Variants in TP63 observed in about 807,000 individuals in gnomAD.
TP63 encodes tumor protein 63.
A neutral mutation model predicts 82.8 loss-of-function variants in TP63; 17 were observed. The ratio of observed to expected loss-of-function variants is 0.21; its 90% confidence interval spans 0.14 to 0.31. The LOEUF (loss-of-function observed/expected upper bound fraction) is 0.31. Among genes scored for constraint, TP63 ranks in the 10% least tolerant of loss-of-function variants. TP63 has a pLI of 1.00. For synonymous variants in TP63, 330 were observed against 321.7 expected (o/e 1.03, Z -0.28); for missense variants, 648 against 895.3 (o/e 0.72, Z 3.52).
Position 189,808,363 on chromosome 3 carries a change from C to T in TP63, c.416C>T (p.Ala139Val), listed in dbSNP as rs751300168. Residue 139 changes from alanine (A) to valine (V), a missense_variant, in exon 4 of 14, where the codon GCG becomes GTG. Ala to Val is a moderately conservative substitution (Grantham distance 64). Coordinates refer to ENST00000264731, the MANE Select transcript of TP63 (RefSeq NM_003722.5). The part of the protein sequence containing the change: ...SSTSPYNTDH[A>V]QNSVTAPSPY... Reference sequence around the variant, plus strand: ...ACCAGTCCCTATAACACAGACCACGCGCAGAACAGCGTCACGGCGCCCTCG... The same window carrying T: ...ACCAGTCCCTATAACACAGACCACGTGCAGAACAGCGTCACGGCGCCCTCG... 5.0e-6 allele frequency: 8 copies of T among 1,614,080 alleles called. No individual in the cohort carries two copies. The highest frequency in any genetic ancestry group is 6.8e-6 in the Non-Finnish European group (8 of 1,180,056).
chr3:189,758,034 A>G (rs1480340480), intron 3 of TP63, among the ~76,000 whole-genome samples: 1 of 152,178 alleles, frequency 6.6e-6, no homozygotes, highest in Non-Finnish European at 1.5e-5. Flanking sequence ...CACCTCAAGC[A>G]GGGGTCCTCA....
chr3:189,709,949 A>G (rs981458384), intron 1 of TP63, among the ~76,000 whole-genome samples: 64 of 152,210 alleles, frequency 4.2e-4, no homozygotes, highest in African/African-American at 1.5e-3. Flanking sequence ...AAATGAATAA[A>G]CATATTTATC....
chr3:189,688,254 G>A (rs1261229169), intron 1 of TP63, among the ~76,000 whole-genome samples: 1 of 152,144 alleles, frequency 6.6e-6, no homozygotes, highest in African/African-American at 2.4e-5. Flanking sequence ...TGAATAACTC[G>A]AGATGTCCAG....
intron 10 of TP63, among the ~76,000 whole-genome samples, chr3:189,875,951 A>G (rs1284981331): frequency 1.3e-5 from 2 of 152,000 alleles, no homozygotes; most frequent in African/African-American, 2.4e-5. Flanking sequence ...AGGCTGGAAT[A>G]GTTGACTTGA....
chr3:189,629,073 C>A (rs542483613), upstream of TP63, among the ~76,000 whole-genome samples: 1 of 152,018 alleles, frequency 6.6e-6, no homozygotes, highest in Non-Finnish European at 1.5e-5. Flanking sequence ...AGGCTATAAA[C>A]CTTTTAAATT....
intron 3 of TP63, among the ~76,000 whole-genome samples, chr3:189,772,558 T>C (rs1296461962): frequency 6.6e-6 from 1 of 152,222 alleles, no homozygotes; most frequent in African/African-American, 2.4e-5. Context: ...GCAGCTCATA[T>C]CTACTTGGAG....
At chr3:189,845,345 A>G (rs1714725020) in intron 4 of TP63, among the ~76,000 whole-genome samples, 1 of 152,172 alleles carries the variant, frequency 6.6e-6, no homozygotes, top group Non-Finnish European at 1.5e-5. Flanking sequence ...TTCTTGGTAA[A>G]CTGCGACCTT....
intron 4 of TP63, among the ~76,000 whole-genome samples, chr3:189,830,819 T>A (rs1436454354): frequency 6.6e-6 from 1 of 152,206 alleles, no homozygotes; most frequent in African/African-American, 2.4e-5. Context: ...GAAGGGAGCA[T>A]ATAGACACTT....
chr3:189,881,791 A>G (rs557623236), intron 10 of TP63, among the ~76,000 whole-genome samples: 13 of 152,332 alleles, frequency 8.5e-5, no homozygotes, highest in African/African-American at 2.6e-4. Context: ...CCATAGAATC[A>G]TTTATTGACA....
At chr3:189,703,458 A>AGATAGATAGATAGATAGATG in intron 1 of TP63, among the ~76,000 whole-genome samples, 1 of 152,214 alleles carries the variant, frequency 6.6e-6, no homozygotes, top group African/African-American at 2.4e-5. Flanking sequence ...ATAGATAGAT[A>AGATAGATAGATAGATAGATG]GATAGATACT....
the TP63 span, among the ~76,000 whole-genome samples, chr3:189,601,457 G>A: frequency 6.6e-6 from 1 of 152,014 alleles, no homozygotes; most frequent in Non-Finnish European, 1.5e-5. Flanking sequence ...GAACCTCCCT[G>A]GAACCCTAAA....
intron 3 of TP63, among the ~76,000 whole-genome samples, chr3:189,773,274 A>G (rs952477808): frequency 6.6e-6 from 1 of 152,182 alleles, no homozygotes; most frequent in Non-Finnish European, 1.5e-5. Flanking sequence ...CCTCTGAGTA[A>G]TTCTCATTCT....
chr3:189,862,630 C>T (rs779283717), intron 4 of TP63, among the ~76,000 whole-genome samples: 3 of 152,096 alleles, frequency 2.0e-5, no homozygotes, highest in South Asian at 2.1e-4. Context: ...TTAGATTATG[C>T]GTTATATACC....
chr3:189,876,257 T>G (rs1719208888), intron 10 of TP63, among the ~76,000 whole-genome samples: 1 of 152,246 alleles, frequency 6.6e-6, no homozygotes, highest in Non-Finnish European at 1.5e-5. Context: ...ATATGCTAAA[T>G]GTATTTGTTT....
Position 189,721,671 on chromosome 3 carries a change from CA to C in TP63, c.63-16068del, listed in dbSNP as rs1719404077. 1.3e-5 allele frequency among the ~76,000 whole-genome samples: 2 copies of C among 152,280 alleles called. 1 individual carries two copies. Among genetic ancestry groups the C allele is most frequent in the African/African-American group, 4.8e-5 (2 of 41,552 alleles). Reference sequence around the variant, plus strand: ...ACCTGGGAGGCTCTCGCTTGTTTCACATGCCCAGACTTACCTCCCTGGGCGT... The same window carrying C: ...ACCTGGGAGGCTCTCGCTTGTTTCACTGCCCAGACTTACCTCCCTGGGCGT... On this transcript the variant is annotated intron_variant, in intron 1 of 13. Coordinates refer to ENST00000264731, the MANE Select transcript of TP63 (RefSeq NM_003722.5).
chr3:189,764,478 G>A (rs946258944), intron 3 of TP63, among the ~76,000 whole-genome samples: 4 of 152,184 alleles, frequency 2.6e-5, no homozygotes, highest in African/African-American at 4.8e-5. Flanking sequence ...CTCTTAGTGT[G>A]TGCAGTATAA....
At chr3:189,853,617 C>T (rs949571885) in intron 4 of TP63, among the ~76,000 whole-genome samples, 1 of 152,196 alleles carries the variant, frequency 6.6e-6, no homozygotes, top group South Asian at 2.1e-4. Flanking sequence ...TTCACACTCA[C>T]TCCCCTGACT....
intron 1 of TP63, among the ~76,000 whole-genome samples, chr3:189,671,911 G>C (rs1001178542): frequency 3.3e-5 from 5 of 151,888 alleles, no homozygotes; most frequent in African/African-American, 9.7e-5. Context: ...GGGAAAGATA[G>C]GAAAAAGCTG....
chr3:189,606,359 AAC>A, the TP63 span, among the ~76,000 whole-genome samples: 1 of 152,176 alleles, frequency 6.6e-6, no homozygotes, highest in Non-Finnish European at 1.5e-5. Context: ...GAAATAACAA[AAC>A]ACACAAGGAA....
Sources: gnomAD v4.1 joint callset for allele counts (sites outside exome capture counted in the v4.1 genomes callset) on GRCh38, gnomAD v4.1.1 for gene constraint, MANE v1.5 for transcripts, NCBI Gene and HGNC (gene_info 2026-07-23, HGNC 2026-07-21) for gene names.